TRIM9: variants seen among roughly 807,000 people sequenced by gnomAD.
The protein encoded by TRIM9 is E3 ubiquitin-protein ligase TRIM9.
In TRIM9, 26 loss-of-function variants were observed where a neutral mutation model predicts 78.3. The ratio of observed to expected loss-of-function variants is 0.33; its 90% CI spans 0.24 to 0.46. The LOEUF (loss-of-function observed/expected upper bound fraction) is 0.46, where lower values mean the gene tolerates loss of function less well. Among genes scored for constraint, TRIM9 ranks in the 20% least tolerant of loss-of-function variants. The pLI, the probability that TRIM9 is intolerant of heterozygous loss-of-function variation, is 1.00. For synonymous variants in TRIM9, 398 were observed against 416.5 expected (o/e 0.96, Z 0.54); for missense variants, 787 against 1,036.4 (o/e 0.76, Z 3.30).
chr14:51,004,259 A>T (rs2055467212), intron 5 of TRIM9, among the ~76,000 whole-genome samples: 1 of 152,224 alleles, frequency 6.6e-6, no homozygotes, highest in South Asian at 2.1e-4. Flanking sequence ...TAGGCTAAAA[A>T]TTCTTCTCTT....
chr14:51,064,823 A>C (rs2061612522), intron 1 of TRIM9, among the ~76,000 whole-genome samples: 2 of 152,122 alleles, frequency 1.3e-5, no homozygotes, highest in Admixed American at 1.3e-4. Context: ...TAACTTCTGA[A>C]TATCCCATAT....
intron 1 of TRIM9, among the ~76,000 whole-genome samples, chr14:51,042,409 C>T (rs1322158561): frequency 2.0e-5 from 3 of 152,152 alleles, no homozygotes; most frequent in Non-Finnish European, 2.9e-5. Flanking sequence ...GGCCAAATAC[C>T]CCATTCTCCT....
chr14:51,044,335 TCCTAACCCATC>T (rs1432487983), intron 1 of TRIM9, among the ~76,000 whole-genome samples: 1 of 152,172 alleles, frequency 6.6e-6, no homozygotes, highest in Non-Finnish European at 1.5e-5. Flanking sequence ...TCTTCTTCCA[TCCTAACCCATC>T]CCTATATTAT....
intron 7 of TRIM9, among the ~76,000 whole-genome samples, chr14:50,987,804 T>C (rs190166264): frequency 2.0e-4 from 31 of 152,090 alleles, no homozygotes; most frequent in African/African-American, 7.0e-4. Flanking sequence ...TTATTTAGTA[T>C]TATTTATTAT....
intron 1 of TRIM9, among the ~76,000 whole-genome samples, chr14:51,042,965 T>G (rs1431732079): frequency 6.6e-6 from 1 of 152,232 alleles, no homozygotes; most frequent in East Asian, 1.9e-4. Flanking sequence ...TCTATATATC[T>G]ATTCCTGGCA....
intron 1 of TRIM9, among the ~76,000 whole-genome samples, chr14:51,079,397 C>T (rs917176823): frequency 6.6e-6 from 1 of 152,190 alleles, no homozygotes; most frequent in African/African-American, 2.4e-5. Context: ...GTAAGTAGAA[C>T]TTCCAGGTTC....
chr14:51,054,558 G>A (rs2060730058), intron 1 of TRIM9, among the ~76,000 whole-genome samples: 1 of 152,024 alleles, frequency 6.6e-6, no homozygotes, highest in Non-Finnish European at 1.5e-5. Context: ...CTGCAGGAAT[G>A]AGCCATTGCC....
chr14:50,984,265 T>C (rs563774813), intron 8 of TRIM9, among the ~76,000 whole-genome samples: 1 of 152,344 alleles, frequency 6.6e-6, no homozygotes, highest in South Asian at 2.1e-4. Context: ...TCTTTTCTAT[T>C]TAGTAAGGCC....
At chr14:51,010,543 G>C in intron 3 of TRIM9, 49 bp from the exon 4 acceptor site, 1 of 1,392,836 alleles carries the variant, frequency 7.2e-7, no homozygotes, top group Non-Finnish European at 1.0e-6. Flanking sequence ...GCAGAGGGTA[G>C]AAGAGAAGCA....
At chr14:51,000,884 A>G in intron 5 of TRIM9, 44 bp from the exon 6 acceptor site, 1 of 1,607,808 alleles carries the variant, frequency 6.2e-7, no homozygotes, top group Non-Finnish European at 8.5e-7. Flanking sequence ...TAAGCTGCAG[A>G]TATTCCAGTA....
chr14:51,018,564 A>G (rs1182120967), intron 3 of TRIM9, among the ~76,000 whole-genome samples: 1 of 152,238 alleles, frequency 6.6e-6, no homozygotes, highest in African/African-American at 2.4e-5. Flanking sequence ...AAATAATAAC[A>G]AAGATAATGG....
intron 11 of TRIM9, among the ~76,000 whole-genome samples, chr14:50,980,712 C>T (rs888853159): frequency 1.3e-5 from 2 of 152,214 alleles, no homozygotes; most frequent in African/African-American, 4.8e-5. Flanking sequence ...GAGAGTTCCA[C>T]AAAATGCCGA....
chr14:50,997,814 A>G, intron 7 of TRIM9: 1 of 1,379,640 alleles, frequency 7.2e-7, no homozygotes, highest in Non-Finnish European at 9.4e-7. Flanking sequence ...TTGTTATCAA[A>G]GGAAGCCGCC....
At chr14:51,079,309 A>G (rs536174067) in intron 1 of TRIM9, among the ~76,000 whole-genome samples, 31 of 152,302 alleles carry the variant, frequency 2.0e-4, no homozygotes, top group African/African-American at 7.5e-4. Context: ...TTGAGTAATA[A>G]TCTCTGACCT....
chr14:51,035,485 A>G (rs1179014695), intron 1 of TRIM9, among the ~76,000 whole-genome samples: 1 of 152,228 alleles, frequency 6.6e-6, no homozygotes, highest in African/African-American at 2.4e-5. Flanking sequence ...CATGTTTTAA[A>G]TTATTTAGTG....
At chr14:51,015,998 GT>G (rs1398253924) in intron 3 of TRIM9, among the ~76,000 whole-genome samples, 1 of 152,018 alleles carries the variant, frequency 6.6e-6, no homozygotes, top group Non-Finnish European at 1.5e-5. Context: ...AATCCTTTTT[GT>G]TTAAGGTCCG....
chr14:51,082,449 A>G (rs540500278), intron 1 of TRIM9, among the ~76,000 whole-genome samples: 2 of 152,358 alleles, frequency 1.3e-5, no homozygotes, highest in African/African-American at 4.8e-5. Flanking sequence ...AGAATGATGT[A>G]CTGAGGCATG....
chr14:51,081,820 ATG>A (rs1481688839), intron 1 of TRIM9, among the ~76,000 whole-genome samples: 2 of 152,358 alleles, frequency 1.3e-5, no homozygotes, highest in African/African-American at 4.8e-5. Flanking sequence ...GCAGAGACGC[ATG>A]GAGTAAGGTA....
intron 1 of TRIM9, among the ~76,000 whole-genome samples, chr14:51,035,546 A>C (rs183657847): frequency 6.6e-6 from 1 of 152,360 alleles, no homozygotes; most frequent in East Asian, 1.9e-4. Context: ...AACTGAAAAT[A>C]ATTGGATCTC....
Sources: allele counts gnomAD v4.1 joint callset (sites outside exome capture counted in the v4.1 genomes callset), GRCh38; gene constraint gnomAD v4.1.1; transcripts MANE v1.5; gene names NCBI Gene and HGNC (gene_info 2026-07-23, HGNC 2026-07-21).